FHIT: variants seen among roughly 807,000 people sequenced by gnomAD.
FHIT encodes bis(5'-adenosyl)-triphosphatase.
Under a neutral mutation model 17.9 loss-of-function variants are expected in FHIT, and 19 were observed. The ratio of observed to expected loss-of-function variants is 1.06; its 90% CI spans 0.74 to 1.56. The LOEUF (loss-of-function observed/expected upper bound fraction) is 1.56, where lower values mean the gene tolerates loss of function less well. FHIT is among the 40% of genes most tolerant of loss of function. The pLI is 0.00. For missense variants in FHIT, 248 were observed against 189.2 expected (o/e 1.31, Z -1.82); for synonymous variants, 81 against 69.7 (o/e 1.16, Z -0.81).
chr3:60,843,240 G>C (rs782010748), intron 3 of FHIT, among the ~76,000 whole-genome samples: 1 of 152,174 alleles, frequency 6.6e-6, no homozygotes, highest in Non-Finnish European at 1.5e-5. Context: ...AAATGAAGCT[G>C]ACCGAGGCAT....
At chr3:59,966,945 A>C (rs1029242948) in intron 7 of FHIT, among the ~76,000 whole-genome samples, 2 of 152,204 alleles carry the variant, frequency 1.3e-5, no homozygotes, top group African/African-American at 4.8e-5. Flanking sequence ...TTGTAATAAC[A>C]TGTAGCTTAA....
At chr3:60,013,364 T>TCC (rs1559548682) in intron 6 of FHIT, among the ~76,000 whole-genome samples, 1 of 152,192 alleles carries the variant, frequency 6.6e-6, no homozygotes, top group Non-Finnish European at 1.5e-5. Flanking sequence ...CCCAGCCCTT[T>TCC]CCATAGAGGG....
intron 4 of FHIT, among the ~76,000 whole-genome samples, chr3:60,616,284 T>C (rs1401763172): frequency 1.3e-5 from 2 of 152,214 alleles, no homozygotes; most frequent in Admixed American, 6.5e-5. Flanking sequence ...TCTTCACATT[T>C]GAAAATATAA....
Position 60,798,648 on chromosome 3 carries a change from C to T in FHIT, c.-18+23271G>A, listed in dbSNP as rs369335341. Among the ~76,000 whole-genome samples the T allele has an allele frequency of 1.5e-3, 234 of 152,094 alleles. 2 individuals are homozygous for T. Among genetic ancestry groups the T allele is most frequent in the African/African-American group, 5.0e-3 (208 of 41,534 alleles). ...ACAACAGTGATCAAGAGACAAAGGC[C>T]CTACTGTCTTGAATTACAGTCTAGT... is the stretch of plus-strand genomic sequence containing the variant. On this transcript the variant is annotated intron_variant, in intron 4 of 9. Transcript: ENST00000492590.
intron 4 of FHIT, among the ~76,000 whole-genome samples, chr3:60,562,143 A>G (rs2036975856): frequency 6.6e-6 from 1 of 152,290 alleles, no homozygotes; most frequent in East Asian, 1.9e-4. Flanking sequence ...GAAAAAGAAA[A>G]TGTCTTATCA....
intron 5 of FHIT, among the ~76,000 whole-genome samples, chr3:60,531,130 G>C (rs2035762472): frequency 6.6e-6 from 1 of 152,164 alleles, no homozygotes; most frequent in South Asian, 2.1e-4. Context: ...TCTTAAGCTG[G>C]CTAATATACA....
At chr3:60,577,862 T>C (rs1553658163) in intron 4 of FHIT, among the ~76,000 whole-genome samples, 1 of 152,150 alleles carries the variant, frequency 6.6e-6, no homozygotes, top group East Asian at 1.9e-4. Flanking sequence ...TGCTTCCCCT[T>C]TTCTAATATT....
At chr3:60,951,689 G>A (rs375448519) in intron 3 of FHIT, among the ~76,000 whole-genome samples, 12 of 152,198 alleles carry the variant, frequency 7.9e-5, no homozygotes, top group Middle Eastern at 3.4e-3. Context: ...AATGGGTTAA[G>A]CATTAATATC....
At chr3:60,168,677 G>A (rs1350360097) in intron 5 of FHIT, among the ~76,000 whole-genome samples, 1 of 152,212 alleles carries the variant, frequency 6.6e-6, no homozygotes, top group Non-Finnish European at 1.5e-5. Context: ...TGAAAGGTAA[G>A]ACAGGGGACA....
At chr3:60,028,056 T>C (rs981295065) in intron 5 of FHIT, among the ~76,000 whole-genome samples, 1 of 152,184 alleles carries the variant, frequency 6.6e-6, no homozygotes, top group Non-Finnish European at 1.5e-5. Flanking sequence ...TATTACATTG[T>C]ACAGTTCATC....
At chr3:59,908,647 A>G (rs1704697100) in intron 8 of FHIT, among the ~76,000 whole-genome samples, 1 of 152,106 alleles carries the variant, frequency 6.6e-6, no homozygotes, top group Non-Finnish European at 1.5e-5. Flanking sequence ...ACCCCACACG[A>G]CATGTTGCTC....
At chr3:60,509,247 G>A (rs1306229183) in intron 5 of FHIT, among the ~76,000 whole-genome samples, 1 of 152,160 alleles carries the variant, frequency 6.6e-6, no homozygotes, top group Non-Finnish European at 1.5e-5. Flanking sequence ...GCATCCTGAG[G>A]AGACTGTCAT....
intron 8 of FHIT, among the ~76,000 whole-genome samples, chr3:59,781,818 T>G (rs763683910): frequency 6.6e-6 from 1 of 152,216 alleles, no homozygotes; most frequent in Non-Finnish European, 1.5e-5. Flanking sequence ...AGAGAAAAGA[T>G]GCAGCCTACG....
At chr3:60,199,143 T>C (rs1423655863) in intron 5 of FHIT, among the ~76,000 whole-genome samples, 1 of 152,112 alleles carries the variant, frequency 6.6e-6, no homozygotes, top group East Asian at 1.9e-4. Flanking sequence ...GAAAGCCAGG[T>C]ACTAAAAATT....
At chr3:60,754,054 T>G (rs2108037964) in intron 4 of FHIT, among the ~76,000 whole-genome samples, 1 of 152,212 alleles carries the variant, frequency 6.6e-6, no homozygotes, top group South Asian at 2.1e-4. Context: ...TGTTTTCAAT[T>G]TAACAAAAAT....
At chr3:60,497,865 G>A (rs2034364646) in intron 5 of FHIT, among the ~76,000 whole-genome samples, 1 of 152,154 alleles carries the variant, frequency 6.6e-6, no homozygotes, top group East Asian at 1.9e-4. Flanking sequence ...ATGGGTTTCA[G>A]TAGTTCCTAC....
intron 5 of FHIT, among the ~76,000 whole-genome samples, chr3:60,400,119 G>T (rs1392351288): frequency 1.3e-5 from 2 of 152,106 alleles, no homozygotes; most frequent in African/African-American, 4.8e-5. Context: ...TGCTTTAGTT[G>T]GTCTTTGAGT....
intron 4 of FHIT, among the ~76,000 whole-genome samples, chr3:60,561,304 A>C (rs1284379676): frequency 1.3e-5 from 2 of 152,156 alleles, no homozygotes; most frequent in African/African-American, 4.8e-5. Context: ...GCTCTTAGAC[A>C]GCTATTCTTC....
rs1550343 is a variant in FHIT at position 61,173,815 on chromosome 3, A to T, written c.-164+26802T>A. On this transcript the variant is annotated intron_variant, in intron 2 of 9. Coordinates refer to ENST00000492590, the MANE Select transcript of FHIT (RefSeq NM_002012.4). ...ACATCTTAACAGCAGTCTGAATATC[A>T]AATCTTCACTACTCTTTGCTTAAAG... 3.3e-5 allele frequency among the ~76,000 whole-genome samples: 5 copies of T among 152,052 alleles called. No homozygotes were observed. In the East Asian group the frequency reaches 9.7e-4, roughly 29 times the overall value.
Sources: gnomAD v4.1 joint callset for allele counts (sites outside exome capture counted in the v4.1 genomes callset) on GRCh38, gnomAD v4.1.1 for gene constraint, MANE v1.5 for transcripts, NCBI Gene and HGNC (gene_info 2026-07-23, HGNC 2026-07-21) for gene names.